ANKRD33: variants seen among roughly 807,000 people sequenced by gnomAD.
ANKRD33 encodes ankyrin repeat domain 33.
ANKRD33 carries 20 observed loss-of-function variants against 20.6 expected under a neutral mutation model. The observed-to-expected ratio is 0.97, with a 90% CI of 0.68 to 1.41. The LOEUF (loss-of-function observed/expected upper bound fraction) is 1.41, where lower values mean the gene tolerates loss of function less well. ANKRD33 is among the 40% of genes most tolerant of loss of function. The pLI is 0.00. For synonymous variants in ANKRD33, 246 were observed against 245.0 expected (o/e 1.00, Z -0.04); for missense variants, 545 against 579.6 (o/e 0.94, Z 0.61).
chr12:51,889,912 G>A, intron 4 of ANKRD33: 1 of 230,238 alleles, frequency 4.3e-6, no homozygotes, highest in Non-Finnish European at 8.6e-6. Flanking sequence ...GGCTTCCAGG[G>A]GATCCAGGGA....
Position 51,888,346 on chromosome 12 carries a change from C to G in ANKRD33, c.145+15C>G. On this transcript the variant is annotated intron_variant, in intron 1 of 4. Transcript: ENST00000301190. Reference sequence around the variant, plus strand: ...ACGAACCCCAAGTAAGAAAAAACGACGACCCTCTCTCCGTGAGTCTCACTG... The same window carrying G: ...ACGAACCCCAAGTAAGAAAAAACGAGGACCCTCTCTCCGTGAGTCTCACTG... The G allele has an allele frequency of 1.2e-6, 2 of 1,613,864 alleles. No individual in the cohort carries two copies. Among genetic ancestry groups the G allele is most frequent in the Non-Finnish European group, 1.7e-6 (2 of 1,179,998 alleles).
rs1247260591 is a variant in ANKRD33, at chr12:51,891,154, T to A, written c.1208T>A (p.Leu403His). The part of the protein sequence containing the change: ...TSPRPQVPKI[L>H]LSKASSSSHQ... ...CCCAGGCCCCAAGTCCCCAAGATCC[T>A]CCTCTCCAAGGCATCCTCATCCTCC... Residue 403 changes from leucine to histidine, a missense_variant, in exon 5 of 5, where the codon CTC becomes CAC. Physicochemically the swap from Leu to His is moderately conservative, Grantham distance 99. Coordinates refer to ENST00000301190, the MANE Select transcript of ANKRD33 (RefSeq NM_182608.4). The A allele has an allele frequency of 6.2e-7, 1 of 1,614,136 alleles. No homozygotes were observed. The highest frequency in any genetic ancestry group is 1.1e-5 in the South Asian group (1 of 91,084).
chr12:51,890,948 G>C lies in ANKRD33; in HGVS notation c.1002G>C (p.Ser334=). Residue 334 remains serine (S), a synonymous_variant, in exon 5 of 5, where the codon TCG becomes TCC. Transcript: ENST00000301190. Reference sequence around the variant, plus strand: ...CTCTGTGCCCTGACCATCCACCTTCGCTGGGCACCCGAAGCAAGTCCGTGC... The same window carrying C: ...CTCTGTGCCCTGACCATCCACCTTCCCTGGGCACCCGAAGCAAGTCCGTGC... ...CHTLCPDHPP[S]LGTRSKSVPE... is the part of the protein sequence containing the mutation. 1 of 1,613,558 alleles carries C rather than the reference G, an allele frequency of 6.2e-7. No individual in the cohort carries two copies.
intron 3 of ANKRD33, 39 bp from the exon 4 acceptor site, chr12:51,889,333 C>T (rs377389868): frequency 8.7e-6 from 14 of 1,609,810 alleles, no homozygotes; most frequent in Non-Finnish European, 4.2e-6. Context: ...TTCATCACCC[C>T]CTTTCCTGGG....
At position 51,890,918 on chromosome 12, in the gene ANKRD33, C is replaced by A. The variant is rs1336225690; in HGVS notation, c.972C>A (p.Cys324Ter). 6.2e-7 allele frequency: 1 copy of A among 1,613,620 alleles called. No individual in the cohort carries two copies. The highest frequency in any genetic ancestry group is 1.7e-5 in the Admixed American group (1 of 60,028). The change falls in exon 5 of 5, where the codon TGC (cysteine) becomes TGA (stop). Residue 324 changes from cysteine to a stop codon, truncating the protein, a stop_gained. Transcript: ENST00000301190. LOFTEE classifies it low-confidence loss of function (END_TRUNC). ...CCAGTCCCTTCGTCACCACTGCCTG[C>A]CACACTCTGTGCCCTGACCATCCAC... ...SLASPFVTTA[C>*]HTLCPDHPPS...
At chr12:51,890,151 G>A (rs569230129) in intron 4 of ANKRD33, 2 of 346,096 alleles carry the variant, frequency 5.8e-6, no homozygotes, top group East Asian at 1.4e-4. Context: ...CCTTTCTTTT[G>A]TCTTAGAGTG....
chr12:51,889,028 C>G (rs1565583547), intron 2 of ANKRD33, 39 bp from the exon 3 acceptor site: 2 of 1,613,386 alleles, frequency 1.2e-6, no homozygotes, highest in South Asian at 1.1e-5. Context: ...TGGAGTGGCC[C>G]AGGGGGAAAG....
At position 51,891,582 on chromosome 12, in the gene ANKRD33, G is replaced by A; in HGVS notation, c.*277G>A. ...TACTCTACAGTGTATTCTAAAATAA[G>A]ACTAAGGAAGCTGTTTATATTCTGA... is the stretch of plus-strand genomic sequence containing the variant. On this transcript the variant is annotated 3_prime_UTR_variant, in exon 5 of 5. Coordinates refer to ENST00000301190, the MANE Select transcript of ANKRD33 (RefSeq NM_182608.4). 2.1e-6 allele frequency: 1 copy of A among 470,408 alleles called. No individual in the cohort carries two copies. 29.1% of individuals were successfully genotyped at this position (470,408 alleles called of 1,614,324 possible).
Position 51,888,165 on chromosome 12 carries a change from G to A in ANKRD33, c.-22G>A. The A allele has an allele frequency of 6.2e-7, 1 of 1,613,006 alleles. No individual in the cohort carries two copies. The highest frequency in any genetic ancestry group is 8.5e-7 in the Non-Finnish European group (1 of 1,179,446). ...CAGCTGCTTGATCCGGCTCAGCCCC[G>A]AGGTGTTTGCAGCAGCTCTTTATGA... On this transcript the variant is annotated 5_prime_UTR_variant, in exon 1 of 5. Transcript: ENST00000301190.
Position 51,889,112 on chromosome 12 carries a change from G to GC in ANKRD33, c.445dup (p.Leu149ProfsTer9). The GC allele has an allele frequency of 6.2e-7, 1 of 1,614,192 alleles. No individual in the cohort carries two copies. The highest frequency in any genetic ancestry group is 1.6e-4 in the Middle Eastern group (1 of 6,062). On this transcript the variant is annotated frameshift_variant, in exon 3 of 5. Coordinates refer to ENST00000301190, the MANE Select transcript of ANKRD33 (RefSeq NM_182608.4). Reference sequence around the variant, plus strand: ...CTACCACGGCTTCCAGAGTGTTGTGGCCCTGCTCAGCCACTGTCCTTTCCT... The same window carrying GC: ...CTACCACGGCTTCCAGAGTGTTGTGGCCCCTGCTCAGCCACTGTCCTTTCCT...
rs777918442 is a variant in ANKRD33 at position 51,891,198 on chromosome 12, C to A, written c.1252C>A (p.Pro418Thr). The A allele has an allele frequency of 8.1e-6, 13 of 1,614,152 alleles. No homozygotes were observed. Among genetic ancestry groups the A allele is most frequent in the Non-Finnish European group, 1.1e-5 (13 of 1,180,060 alleles). ...SSSSHQCQPK[P>T]SPSGHQSLAL... ...ATCCTCCCACCAGTGCCAGCCGAAGCCCAGTCCTTCAGGACACCAAAGTCT... is the reference window on the plus strand; with the variant it reads ...ATCCTCCCACCAGTGCCAGCCGAAGACCAGTCCTTCAGGACACCAAAGTCT... Residue 418 changes from proline (P) to threonine (T), a missense_variant, in exon 5 of 5, where the codon CCC becomes ACC. Physicochemically the swap from Pro to Thr is conservative, Grantham distance 38 (BLOSUM62 -1). Transcript: ENST00000301190.
chr12:51,890,970 G>C lies in ANKRD33; in HGVS notation c.1024G>C (p.Val342Leu), dbSNP rs771237309. The change falls in exon 5 of 5, where the codon GTG becomes CTG. Residue 342 changes from valine (V) to leucine (L), a missense_variant. Coordinates refer to ENST00000301190, the MANE Select transcript of ANKRD33 (RefSeq NM_182608.4). The stretch of plus-strand genomic sequence containing the variant: ...TTCGCTGGGCACCCGAAGCAAGTCC[G>C]TGCCAGAGCTGTTAGGTACTGCCCC... ...PPSLGTRSKS[V>L]PELLGTAPPP... 6.2e-7 allele frequency: 1 copy of C among 1,613,530 alleles called. No individual in the cohort carries two copies. The highest frequency in any genetic ancestry group is 1.7e-5 in the Admixed American group (1 of 60,018).
rs772987246 is a variant in ANKRD33 at position 51,889,071 on chromosome 12, G to C, written c.401G>C (p.Gly134Ala). Residue 134 changes from glycine to alanine, a missense_variant, in exon 3 of 5, where the codon GGC becomes GCC. Coordinates refer to ENST00000301190, the MANE Select transcript of ANKRD33 (RefSeq NM_182608.4). Reference sequence around the variant, plus strand: ...TCTGAGCTGCCCCTCCCTCAGACAGGCCTCATGGTCGCATGCTACCACGGC... The same window carrying C: ...TCTGAGCTGCCCCTCCCTCAGACAGCCCTCATGGTCGCATGCTACCACGGC... The part of the protein sequence containing the change: ...ATQVDSNGRT[G>A]LMVACYHGFQ... The C allele has an allele frequency of 1.2e-6, 2 of 1,614,036 alleles. No homozygotes were observed. The highest frequency in any genetic ancestry group is 1.7e-6 in the Non-Finnish European group (2 of 1,180,016).
intron 4 of ANKRD33, chr12:51,890,288 T>G: frequency 1.7e-6 from 1 of 603,286 alleles, no homozygotes; most frequent in Non-Finnish European, 2.9e-6. Flanking sequence ...CTGCCTGTCC[T>G]GGGCAGCCTG....
At position 51,891,133 on chromosome 12, in the gene ANKRD33, G is replaced by A; in HGVS notation, c.1187G>A (p.Arg396Lys). Residue 396 changes from arginine to lysine, a missense_variant, in exon 5 of 5, where the codon AGG (arginine) becomes AAG (lysine). Transcript: ENST00000301190. ...WLQPRDSTSP[R>K]PQVPKILLSK... ...CAACCCAGGGATAGCACCAGCCCCA[G>A]GCCCCAAGTCCCCAAGATCCTCCTC... 1.2e-6 allele frequency: 2 copies of A among 1,614,204 alleles called. No individual in the cohort carries two copies. Among genetic ancestry groups the A allele is most frequent in the Non-Finnish European group, 1.7e-6 (2 of 1,180,038 alleles).
rs573018598 is a variant in ANKRD33 at position 51,890,223 on chromosome 12, A to G, written c.638-361A>G. On this transcript the variant is annotated intron_variant, in intron 4 of 4. Transcript: ENST00000301190. Reference sequence around the variant, plus strand: ...ATGGTGAGAAGAGAAGAACCAGGAGAGGGAACCAGCCGATCATCCCCACCC... The same window carrying G: ...ATGGTGAGAAGAGAAGAACCAGGAGGGGGAACCAGCCGATCATCCCCACCC... 5.3e-3 allele frequency: 2,201 copies of G among 417,532 alleles called. 16 individuals are homozygous for G. Among genetic ancestry groups the G allele is most frequent in the Non-Finnish European group, 7.5e-3 (1,649 of 221,144 alleles). 25.9% of individuals were successfully genotyped at this position (417,532 alleles called of 1,614,324 possible). A position where few individuals can be genotyped will look rare whatever the true frequency, so the allele number is the denominator to read the frequency against.
In ANKRD33 at chr12:51,890,645, G is replaced by C. The variant is rs757080108; in HGVS notation, c.699G>C (p.Leu233=). The C allele has an allele frequency of 3.7e-6, 6 of 1,609,104 alleles. No individual in the cohort carries two copies. The highest frequency in any genetic ancestry group is 5.1e-6 in the Non-Finnish European group (6 of 1,179,992). The change falls in exon 5 of 5, where the codon CTG becomes CTC. Residue 233 remains leucine, a synonymous_variant. Transcript: ENST00000301190. The part of the protein sequence containing the change: ...RGKTALEWAV[L]TDSFDTVWRI... The stretch of plus-strand genomic sequence containing the variant: ...AGACGGCCCTGGAATGGGCAGTGCT[G>C]ACCGACAGCTTCGACACCGTGTGGA...
Position 51,888,310 on chromosome 12 carries a change from A to T in ANKRD33, c.124A>T (p.Ile42Leu), listed in dbSNP as rs754069595. ...AWAVPRVDCLIDTLRTPNASC... is the reference protein window; with the variant it reads ...AWAVPRVDCLLDTLRTPNASC... ...GGCTGTGCCCCGCGTTGACTGCCTC[A>T]TAGATACCCTACGAACCCCAAGTAA... Residue 42 changes from isoleucine (I) to leucine (L), a missense_variant, in exon 1 of 5, where the codon ATA becomes TTA. Coordinates refer to ENST00000301190, the MANE Select transcript of ANKRD33 (RefSeq NM_182608.4). 5 of 1,614,094 alleles carry T rather than the reference A, an allele frequency of 3.1e-6. No homozygotes were observed. In the South Asian group the frequency reaches 5.5e-5, roughly 18 times the overall value.
At position 51,888,224 on chromosome 12, in the gene ANKRD33, G is replaced by A; in HGVS notation, c.38G>A (p.Trp13Ter). The change falls in exon 1 of 5, where the codon TGG becomes TAG. Residue 13 changes from tryptophan to a stop codon, truncating the protein, a stop_gained. Transcript: ENST00000301190. LOFTEE classifies it high-confidence loss of function. The stretch of plus-strand genomic sequence containing the variant: ...CCATCTGTTACCTGCGTTGCTTCCT[G>A]GGGAGGGATAGTCCACCTGGAGGCA... ...VQPSVTCVASWGGIVHLEAFG... is the reference protein window; with the variant it reads ...VQPSVTCVAS 1 of 1,614,214 alleles carries A rather than the reference G, an allele frequency of 6.2e-7. No individual in the cohort carries two copies. The highest frequency in any genetic ancestry group is 1.3e-5 in the African/African-American group (1 of 75,068).
Sources: gnomAD v4.1 joint callset for allele counts on GRCh38, gnomAD v4.1.1 for gene constraint, MANE v1.5 for transcripts, NCBI Gene and HGNC (gene_info 2026-07-23, HGNC 2026-07-21) for gene names.